Variants in WIPF3 observed in about 807,000 individuals in gnomAD.
WIPF3 encodes WAS/WASL-interacting protein family member 3.
Under a neutral mutation model 38.9 loss-of-function variants are expected in WIPF3, and 33 were observed. That is an observed-to-expected ratio of 0.85 (90% CI 0.64 to 1.14). The LOEUF (loss-of-function observed/expected upper bound fraction) is 1.14, where lower values mean the gene tolerates loss of function less well. Ranked by LOEUF, WIPF3 falls within the 50% of genes most tolerant of loss-of-function variation. The probability of loss-of-function intolerance (pLI) is 0.00; values close to 1 mark genes in which losing one functional copy is unlikely to be tolerated. For missense variants in WIPF3, 711 were observed against 652.5 expected (o/e 1.09, Z -0.98); for synonymous variants, 324 against 269.3 (o/e 1.20, Z -1.99).
chr7:29,841,177 G>C (rs1004163691), intron 2 of WIPF3, among the ~76,000 whole-genome samples: 10 of 152,112 alleles, frequency 6.6e-5, no homozygotes, highest in African/African-American at 2.2e-4. Context: ...TGTAAGATGG[G>C]GATCATTTTG....
Position 29,889,387 on chromosome 7 carries a change from AC to A in WIPF3, c.1335del (p.Ser446AlafsTer34), listed in dbSNP as rs1161249838. On this transcript the variant is annotated frameshift_variant, in exon 7 of 9. Transcript: ENST00000242140. LOFTEE classifies it high-confidence loss of function. ...PDEYKPCQKIYPSKIPRSRTP... is the reference protein window; with the variant it reads ...PDEYKPCQKIXPSKIPRSRTP... ...GAATATAAACCATGCCAGAAGATTT[AC>A]CCCAGCAAGATCCCCAGAAGTAAGT... The A allele has an allele frequency of 6.2e-7, 1 of 1,613,838 alleles. No homozygotes were observed. Among genetic ancestry groups the A allele is most frequent in the Admixed American group, 1.7e-5 (1 of 60,010 alleles).
At chr7:29,893,309 A>T (rs1458004607) in intron 7 of WIPF3, among the ~76,000 whole-genome samples, 2 of 151,952 alleles carry the variant, frequency 1.3e-5, no homozygotes, top group Non-Finnish European at 2.9e-5. Flanking sequence ...AAGGGCTACA[A>T]GGGGGAGATG....
chr7:29,830,672 A>G (rs1466870407), intron 1 of WIPF3, among the ~76,000 whole-genome samples: 2 of 151,998 alleles, frequency 1.3e-5, no homozygotes, highest in Non-Finnish European at 2.9e-5. Flanking sequence ...AAGAAAAACC[A>G]GGGCTTTAAA....
At chr7:29,895,823 T>C (rs1216004764) in intron 7 of WIPF3, among the ~76,000 whole-genome samples, 1 of 152,188 alleles carries the variant, frequency 6.6e-6, no homozygotes, top group Non-Finnish European at 1.5e-5. Context: ...ATAAGGGATC[T>C]GCCCCCATGA....
At chr7:29,862,443 G>A (rs920827328) in intron 2 of WIPF3, among the ~76,000 whole-genome samples, 3 of 152,316 alleles carry the variant, frequency 2.0e-5, no homozygotes, top group Admixed American at 1.3e-4. Context: ...GGCTGGGAAA[G>A]GCCTGGTCAT....
chr7:29,845,359 A>G (rs1248632523), intron 2 of WIPF3, among the ~76,000 whole-genome samples: 1 of 152,218 alleles, frequency 6.6e-6, no homozygotes, highest in Non-Finnish European at 1.5e-5. Flanking sequence ...CTTAACCTTG[A>G]TCAGGCTATC....
intron 1 of WIPF3, among the ~76,000 whole-genome samples, chr7:29,812,386 C>CA (rs1784393741): frequency 6.6e-6 from 1 of 152,160 alleles, no homozygotes; most frequent in African/African-American, 2.4e-5. Context: ...TATCTGAGAC[C>CA]AGTATCCATC....
intron 7 of WIPF3, 131 bp downstream of exon 7, chr7:29,889,538 G>T: frequency 1.4e-6 from 1 of 694,750 alleles, no homozygotes; most frequent in Non-Finnish European, 2.5e-6. Flanking sequence ...CAAGGATGTA[G>T]TGCTGTGCAT....
intron 2 of WIPF3, among the ~76,000 whole-genome samples, chr7:29,869,586 G>A (rs1002318470): frequency 1.3e-5 from 2 of 152,122 alleles, no homozygotes; most frequent in African/African-American, 4.8e-5. Flanking sequence ...TAGTTATGGG[G>A]TAGTTGAGTC....
intron 5 of WIPF3, among the ~76,000 whole-genome samples, chr7:29,886,053 T>C (rs1401958626): frequency 6.6e-6 from 1 of 152,182 alleles, no homozygotes; most frequent in Non-Finnish European, 1.5e-5. Context: ...ATATTCCTCA[T>C]GTTAGATATC....
intron 2 of WIPF3, among the ~76,000 whole-genome samples, chr7:29,864,607 T>C (rs776168193): frequency 5.9e-5 from 9 of 152,212 alleles, no homozygotes; most frequent in Admixed American, 2.0e-4. Flanking sequence ...TTCTCTCTCT[T>C]TGTGACCGAA....
At chr7:29,853,861 A>G (rs537798362) in intron 2 of WIPF3, among the ~76,000 whole-genome samples, 2 of 152,386 alleles carry the variant, frequency 1.3e-5, no homozygotes, top group African/African-American at 4.8e-5. Context: ...GTGGTTGGGC[A>G]TAGCGATGCT....
chr7:29,836,779 A>G (rs1297012545), intron 2 of WIPF3, among the ~76,000 whole-genome samples: 2 of 150,720 alleles, frequency 1.3e-5, no homozygotes, highest in Non-Finnish European at 3.0e-5. Flanking sequence ...ACCTGAGGTC[A>G]GGAATTCAAG....
At chr7:29,841,147 G>A (rs949768740) in intron 2 of WIPF3, among the ~76,000 whole-genome samples, 2 of 152,168 alleles carry the variant, frequency 1.3e-5, no homozygotes, top group Admixed American at 6.5e-5. Context: ...AGCATGTCAG[G>A]TTTTATTATA....
chr7:29,889,519 G>A, intron 7 of WIPF3, 112 bp downstream of exon 7: 1 of 785,464 alleles, frequency 1.3e-6, no homozygotes, highest in Non-Finnish European at 2.2e-6. Context: ...TGATTTCACT[G>A]TACCACTGCA....
intron 4 of WIPF3, 50 bp from the exon 5 acceptor site, chr7:29,883,800 C>A (rs1785772579): frequency 2.0e-6 from 3 of 1,507,946 alleles, no homozygotes; most frequent in Non-Finnish European, 1.8e-6. Flanking sequence ...CCTGCGGGGG[C>A]TTTCTCCTTC....
At chr7:29,883,635 T>C (rs1785768817) in intron 4 of WIPF3, among the ~76,000 whole-genome samples, 1 of 152,070 alleles carries the variant, frequency 6.6e-6, no homozygotes. Context: ...TGACCTGGGC[T>C]TGTCATTAAT....
chr7:29,907,387 G>C (rs1456178805), intron 8 of WIPF3, among the ~76,000 whole-genome samples: 1 of 152,152 alleles, frequency 6.6e-6, no homozygotes, highest in Non-Finnish European at 1.5e-5. Flanking sequence ...CTGTAAAAAA[G>C]CAGATATTTT....
chr7:29,896,168 G>T (rs912255926), intron 7 of WIPF3, among the ~76,000 whole-genome samples: 4 of 152,168 alleles, frequency 2.6e-5, no homozygotes, highest in Non-Finnish European at 4.4e-5. Context: ...AATTAGCCAG[G>T]CATGGTGGTG....
Sources: gnomAD v4.1 joint callset for allele counts (sites outside exome capture counted in the v4.1 genomes callset) on GRCh38, gnomAD v4.1.1 for gene constraint, MANE v1.5 for transcripts, NCBI Gene and HGNC (gene_info 2026-07-23, HGNC 2026-07-21) for gene names.